Variants in DCAF1 observed in about 807,000 individuals in gnomAD.
The protein encoded by DCAF1 is DDB1- and CUL4-associated factor 1.
A neutral mutation model predicts 128.0 loss-of-function variants in DCAF1; 15 were observed. That is an observed-to-expected ratio of 0.12 (90% CI 0.08 to 0.18). The LOEUF (loss-of-function observed/expected upper bound fraction) is 0.18, where lower values mean the gene tolerates loss of function less well. Ranked by LOEUF, DCAF1 falls within the 10% of genes least tolerant of loss-of-function variation. The pLI is 1.00. For synonymous variants in DCAF1, 610 were observed against 603.0 expected, an observed-to-expected ratio of 1.01 and a Z score of -0.17; for missense variants, 988 against 1,649.5, an observed-to-expected ratio of 0.60 and a Z score of 6.95.
chr3:51,419,005 C>T (rs1699150800), intron 15 of DCAF1, 129 bp from the exon 16 acceptor site: 4 of 1,360,164 alleles, frequency 2.9e-6, no homozygotes, highest in Non-Finnish European at 3.8e-6. Flanking sequence ...TCACAGTGAC[C>T]TTCAGTGCTT....
At chr3:51,403,926 C>G (rs2089920166) in intron 23 of DCAF1, among the ~76,000 whole-genome samples, 1 of 152,160 alleles carries the variant, frequency 6.6e-6, no homozygotes, top group Non-Finnish European at 1.5e-5. Context: ...AACATTGCAA[C>G]AAAAGACTTA....
the DCAF1 span, among the ~76,000 whole-genome samples, chr3:51,505,187 C>G: frequency 1.3e-5 from 2 of 151,832 alleles, no homozygotes; most frequent in Non-Finnish European, 2.9e-5. Context: ...TTGCTTGAAC[C>G]CAGGAGGCGT....
intron 13 of DCAF1, among the ~76,000 whole-genome samples, chr3:51,423,431 G>T (rs911581274): frequency 6.6e-6 from 1 of 151,482 alleles, no homozygotes; most frequent in South Asian, 2.1e-4. Flanking sequence ...GAACCCAGGA[G>T]GCGGAAGTTG....
At chr3:51,424,301 G>A (rs910015697) in intron 13 of DCAF1, among the ~76,000 whole-genome samples, 1 of 151,732 alleles carries the variant, frequency 6.6e-6, no homozygotes, top group Admixed American at 6.6e-5. Context: ...TCAGGAGGCT[G>A]AAGCAGGAGA....
intron 2 of DCAF1, among the ~76,000 whole-genome samples, chr3:51,495,510 A>G (rs1203587253): frequency 6.6e-6 from 1 of 151,840 alleles, no homozygotes; most frequent in African/African-American, 2.4e-5. Flanking sequence ...AAAGGAAAAT[A>G]TAAACTTGTA....
chr3:51,404,637 G>A (rs1261451589), intron 23 of DCAF1, among the ~76,000 whole-genome samples: 1 of 152,184 alleles, frequency 6.6e-6, no homozygotes, highest in African/African-American at 2.4e-5. Context: ...CAGTAATTTA[G>A]ACTCTTCAAA....
chr3:51,445,423 G>A (rs1260389900), intron 6 of DCAF1, among the ~76,000 whole-genome samples: 1 of 152,212 alleles, frequency 6.6e-6, no homozygotes, highest in Admixed American at 6.5e-5. Context: ...CTCAAGACAG[G>A]CTACAAATAT....
chr3:51,423,489 G>C (rs1229643487), intron 13 of DCAF1, among the ~76,000 whole-genome samples: 28 of 150,128 alleles, frequency 1.9e-4, no homozygotes, highest in African/African-American at 6.8e-4. Context: ...GCCACAGAGA[G>C]AGACTCTGTC....
intron 23 of DCAF1, among the ~76,000 whole-genome samples, chr3:51,404,828 A>G (rs901210681): frequency 2.0e-5 from 3 of 152,296 alleles, no homozygotes; most frequent in African/African-American, 7.2e-5. Context: ...TCCCCTCCAG[A>G]GGTGAGTGGA....
At chr3:51,471,066 C>A in intron 3 of DCAF1, 61 bp from the exon 4 acceptor site, 1 of 1,070,258 alleles carries the variant, frequency 9.3e-7, no homozygotes, top group South Asian at 1.6e-5. Context: ...ACCACCACTA[C>A]AACAGTCAAT....
chr3:51,461,568 A>G (rs1488986440), intron 6 of DCAF1, among the ~76,000 whole-genome samples: 1 of 152,150 alleles, frequency 6.6e-6, no homozygotes, highest in Non-Finnish European at 1.5e-5. Flanking sequence ...CTGGGTATAT[A>G]CCCAAAGGAT....
chr3:51,426,733 T>C (rs1699941021), intron 13 of DCAF1, among the ~76,000 whole-genome samples: 1 of 152,202 alleles, frequency 6.6e-6, no homozygotes, highest in African/African-American at 2.4e-5. Flanking sequence ...AGCCCCTCTC[T>C]TATCTTTATG....
At chr3:51,416,629 C>A (rs782348212) in intron 18 of DCAF1, among the ~76,000 whole-genome samples, 158 bp downstream of exon 18, 1 of 152,164 alleles carries the variant, frequency 6.6e-6, no homozygotes, top group Non-Finnish European at 1.5e-5. Flanking sequence ...TCCCATACAG[C>A]TCAGAACTAT....
intron 23 of DCAF1, 123 bp downstream of exon 23, chr3:51,412,256 C>G: frequency 7.3e-7 from 1 of 1,374,614 alleles, no homozygotes; most frequent in Non-Finnish European, 9.9e-7. Flanking sequence ...ACATGACAAG[C>G]CTTATGAATG....
intron 3 of DCAF1, among the ~76,000 whole-genome samples, chr3:51,479,137 A>T (rs1364301177): frequency 6.6e-6 from 1 of 152,144 alleles, no homozygotes; most frequent in Admixed American, 6.6e-5. Flanking sequence ...ATTAAATAAA[A>T]TTATATACCA....
intron 6 of DCAF1, among the ~76,000 whole-genome samples, chr3:51,447,980 A>G (rs1553640669): frequency 3.3e-5 from 5 of 152,096 alleles, no homozygotes; most frequent in Admixed American, 2.0e-4. Flanking sequence ...GTTTACAGAC[A>G]GACACTGAGG....
chr3:51,491,054 A>C (rs1463317469), intron 2 of DCAF1, among the ~76,000 whole-genome samples: 6 of 151,476 alleles, frequency 4.0e-5, no homozygotes, highest in Non-Finnish European at 5.9e-5. Context: ...AAAAAAAAAA[A>C]AAAACAAAGT....
chr3:51,402,644 G>A (rs1553625271), intron 24 of DCAF1, among the ~76,000 whole-genome samples: 2 of 126,194 alleles, frequency 1.6e-5, no homozygotes, highest in East Asian at 2.4e-4. Flanking sequence ...GCACGATCTC[G>A]GCTCACTGCA....
At chr3:51,454,185 G>T in intron 6 of DCAF1, among the ~76,000 whole-genome samples, 1 of 152,208 alleles carries the variant, frequency 6.6e-6, no homozygotes, top group East Asian at 1.9e-4. Flanking sequence ...TGGGACTACA[G>T]GCATGAGCTA....
Sources: gnomAD v4.1 joint callset for allele counts (sites outside exome capture counted in the v4.1 genomes callset) on GRCh38, gnomAD v4.1.1 for gene constraint, MANE v1.5 for transcripts, NCBI Gene and HGNC (gene_info 2026-07-23, HGNC 2026-07-21) for gene names.